NCALD: variants seen among roughly 807,000 people sequenced by gnomAD.
NCALD encodes the protein neurocalcin-delta.
Under a neutral mutation model 18.6 loss-of-function variants are expected in NCALD, and 10 were observed. The observed-to-expected ratio is 0.54, with a 90% CI of 0.33 to 0.91. NCALD has a LOEUF of 0.91. NCALD is among the 40% of genes least tolerant of loss of function. The pLI is 0.03. For missense variants in NCALD, 184 were observed against 247.6 expected, an observed-to-expected ratio of 0.74 and a Z score of 1.72; for synonymous variants, 88 against 87.4, an observed-to-expected ratio of 1.01 and a Z score of -0.04.
chr8:102,065,222 C>T (rs1823970154), intron 1 of NCALD, among the ~76,000 whole-genome samples: 1 of 151,450 alleles, frequency 6.6e-6, no homozygotes, highest in African/African-American at 2.4e-5. Context: ...TGAAAAGTCA[C>T]ATTACTTGGT....
intron 4 of NCALD, among the ~76,000 whole-genome samples, chr8:101,811,572 T>C (rs1813305993): frequency 6.6e-6 from 1 of 152,226 alleles, no homozygotes; most frequent in Non-Finnish European, 1.5e-5. Flanking sequence ...AACAAATGCG[T>C]GCTGAGTGCA....
At chr8:101,903,820 G>A (rs1395056602) in intron 3 of NCALD, among the ~76,000 whole-genome samples, 1 of 152,178 alleles carries the variant, frequency 6.6e-6, no homozygotes, top group African/African-American at 2.4e-5. Context: ...GCTGCCTTTT[G>A]ACCTCAGCTT....
At chr8:102,012,549 T>A (rs999664614) in intron 2 of NCALD, among the ~76,000 whole-genome samples, 1 of 152,356 alleles carries the variant, frequency 6.6e-6, no homozygotes, top group East Asian at 1.9e-4. Flanking sequence ...AACACTCCTC[T>A]AGTGCGGGGA....
rs545499693 is a variant in NCALD, at chr8:101,811,996, G to A, written c.-20+75145C>T. Among the ~76,000 whole-genome samples the A allele has an allele frequency of 3.9e-5, 6 of 152,316 alleles. No homozygotes were observed. The East Asian group carries it at 9.6e-4, about 24-fold the overall frequency. Reference sequence around the variant, plus strand: ...TCATCTACAATTCAAATCTAGCATTGCAGAAAAGATTTGTTCTCAGAATGG... The same window carrying A: ...TCATCTACAATTCAAATCTAGCATTACAGAAAAGATTTGTTCTCAGAATGG... On this transcript the variant is annotated intron_variant, in intron 4 of 6. Coordinates refer to the NCALD transcript ENST00000311028.
intron 1 of NCALD, among the ~76,000 whole-genome samples, chr8:102,106,661 CTTT>C (rs1261495776): frequency 1.3e-5 from 2 of 152,108 alleles, no homozygotes; most frequent in African/African-American, 4.8e-5. Flanking sequence ...AGAGTTCTCT[CTTT>C]GTCTGCAACT....
chr8:101,773,554 C>T (rs1311249032), intron 1 of NCALD, among the ~76,000 whole-genome samples: 1 of 152,134 alleles, frequency 6.6e-6, no homozygotes, highest in Non-Finnish European at 1.5e-5. Context: ...CACAACCCTC[C>T]CTGCACCTGA....
At chr8:101,711,968 G>A (rs190430074) in intron 2 of NCALD, among the ~76,000 whole-genome samples, 37 of 152,198 alleles carry the variant, frequency 2.4e-4, no homozygotes, top group African/African-American at 7.9e-4. Context: ...GCACATAATC[G>A]TCAGATTCAC....
chr8:102,108,560 G>A (rs1394120637), intron 1 of NCALD, among the ~76,000 whole-genome samples: 6 of 152,200 alleles, frequency 3.9e-5, no homozygotes, highest in East Asian at 3.8e-4. Flanking sequence ...CAAGGCAGCC[G>A]AGTAGATGCA....
intron 2 of NCALD, chr8:101,693,510 T>C: frequency 6.6e-6 from 1 of 152,034 alleles, no homozygotes; most frequent in African/African-American, 2.4e-5. Flanking sequence ...CCTGGGAATC[T>C]TGTTAAAATG....
intron 4 of NCALD, among the ~76,000 whole-genome samples, chr8:101,810,382 T>A (rs1437254145): frequency 6.6e-6 from 1 of 152,208 alleles, no homozygotes; most frequent in Non-Finnish European, 1.5e-5. Context: ...CTGAAAGAGC[T>A]ACTCTCTATA....
At chr8:101,726,918 T>C (rs1293757285) in intron 1 of NCALD, among the ~76,000 whole-genome samples, 1 of 152,038 alleles carries the variant, frequency 6.6e-6, no homozygotes, top group Non-Finnish European at 1.5e-5. Flanking sequence ...GAGCCTTTGA[T>C]CACATGGCAT....
chr8:101,988,175 A>G (rs866952135), intron 2 of NCALD, among the ~76,000 whole-genome samples: 3,027 of 148,584 alleles, frequency 0.02, 46 homozygotes, highest in East Asian at 0.063. Context: ...AAAGAAAAAA[A>G]AAAAGAAAAG....
intron 4 of NCALD, among the ~76,000 whole-genome samples, chr8:101,886,451 A>G (rs1816678023): frequency 6.6e-6 from 1 of 152,226 alleles, no homozygotes; most frequent in Non-Finnish European, 1.5e-5. Context: ...GGTCTAAGCC[A>G]TATGACTTTG....
intron 3 of NCALD, chr8:101,691,440 G>GTTAGGGCT (rs1228983864): frequency 1.0e-6 from 1 of 985,180 alleles, no homozygotes; most frequent in East Asian, 1.1e-4. Context: ...TCAACACACA[G>GTTAGGGCT]TTAGGGCTTT....
intron 4 of NCALD, among the ~76,000 whole-genome samples, chr8:101,803,448 C>A (rs1343718764): frequency 6.6e-6 from 1 of 152,212 alleles, no homozygotes; most frequent in Non-Finnish European, 1.5e-5. Flanking sequence ...GGTAACACAA[C>A]ATCCATTCTG....
chr8:101,924,599 C>T (rs1277972532), intron 2 of NCALD, among the ~76,000 whole-genome samples: 1 of 152,164 alleles, frequency 6.6e-6, no homozygotes, highest in African/African-American at 2.4e-5. Context: ...TTAGCATAAG[C>T]TAAATATACA....
At chr8:101,976,063 C>A (rs1396310614) in intron 2 of NCALD, among the ~76,000 whole-genome samples, 1 of 152,146 alleles carries the variant, frequency 6.6e-6, no homozygotes, top group Non-Finnish European at 1.5e-5. Context: ...TACTCCATTA[C>A]CATTTTCACA....
intron 1 of NCALD, among the ~76,000 whole-genome samples, chr8:102,025,400 T>C (rs1822419190): frequency 6.6e-6 from 1 of 152,178 alleles, no homozygotes; most frequent in Non-Finnish European, 1.5e-5. Flanking sequence ...ACTTCAAAGC[T>C]CATCACCCAC....
At chr8:101,996,226 G>A (rs773088289) in intron 2 of NCALD, among the ~76,000 whole-genome samples, 9 of 152,312 alleles carry the variant, frequency 5.9e-5, no homozygotes, top group Admixed American at 3.3e-4. Flanking sequence ...AAAATATTAG[G>A]AGCCACATCT....
Sources: allele counts gnomAD v4.1 joint callset (sites outside exome capture counted in the v4.1 genomes callset), GRCh38; gene constraint gnomAD v4.1.1; transcripts MANE v1.5; gene names NCBI Gene and HGNC (gene_info 2026-07-23, HGNC 2026-07-21).